Variants in SRBD1 observed in about 807,000 individuals in gnomAD.
SRBD1 encodes the protein S1 RNA-binding domain-containing protein 1.
In SRBD1, 88 loss-of-function variants were observed where a neutral mutation model predicts 115.3. That is an observed-to-expected ratio of 0.76 (90% CI 0.64 to 0.91). The LOEUF (loss-of-function observed/expected upper bound fraction) is 0.91. Among genes scored for constraint, SRBD1 ranks in the 40% least tolerant of loss-of-function variants. The pLI, the probability that SRBD1 is intolerant of heterozygous loss-of-function variation, is 0.00. For synonymous variants in SRBD1, 509 were observed against 407.7 expected, an observed-to-expected ratio of 1.25 and a Z score of -2.99; for missense variants, 1,385 against 1,177.4, an observed-to-expected ratio of 1.18 and a Z score of -2.58.
chr2:45,547,086 T>A (rs1339694228), intron 13 of SRBD1, among the ~76,000 whole-genome samples: 1 of 152,186 alleles, frequency 6.6e-6, no homozygotes, highest in Non-Finnish European at 1.5e-5. Context: ...AAGTCAGCTT[T>A]CTTCCCATCA....
chr2:45,396,767 T>C (rs1055229188), intron 19 of SRBD1, among the ~76,000 whole-genome samples: 32 of 152,302 alleles, frequency 2.1e-4, no homozygotes, highest in African/African-American at 7.2e-4. Flanking sequence ...ACTTCAGACA[T>C]GGCCATTCAG....
chr2:45,445,579 A>G (rs576620703), intron 16 of SRBD1, among the ~76,000 whole-genome samples: 5 of 145,886 alleles, frequency 3.4e-5, no homozygotes, highest in African/African-American at 1.0e-4. Context: ...AAAAAAAAAA[A>G]GTAGAAAAGG....
chr2:45,585,893 G>T, intron 4 of SRBD1, 119 bp from the exon 5 acceptor site: 10 of 729,094 alleles, frequency 1.4e-5, no homozygotes, highest in Non-Finnish European at 1.2e-5. Flanking sequence ...ACTTGCTATA[G>T]TTTTTTAAAA....
chr2:45,413,138 G>A lies in SRBD1; in HGVS notation c.2489C>T (p.Pro830Leu), dbSNP rs1175529234. The A allele has an allele frequency of 1.9e-6, 3 of 1,613,812 alleles. No homozygotes were observed. The highest frequency in any genetic ancestry group is 1.1e-5 in the South Asian group (1 of 91,028). The change falls in exon 19 of 21, where the codon CCA becomes CTA. Residue 830 changes from proline (P) to leucine (L), a missense_variant. By Grantham distance (98) the Pro-to-Leu change is moderately conservative. Transcript: ENST00000263736. Reference sequence around the variant, plus strand: ...CCTCATTGCTATGTCATATGATTCTGGATGAATACAAGTTTGGTCCAAAGG... The same window carrying A: ...CCTCATTGCTATGTCATATGATTCTAGATGAATACAAGTTTGGTCCAAAGG... ...PNPLDQTCIH[P>L]ESYDIAMRFL...
In SRBD1 at chr2:45,579,866, A is replaced by G. The variant is rs896607078; in HGVS notation, c.1072+9T>C. On this transcript the variant is annotated intron_variant, in intron 7 of 20. Transcript: ENST00000263736. Reference sequence around the variant, plus strand: ...AAACAAAGTTGATCTCTGTAAATAAAGCCAGTACCTTTAACGTCAGGCCTA... The same window carrying G: ...AAACAAAGTTGATCTCTGTAAATAAGGCCAGTACCTTTAACGTCAGGCCTA... 2.5e-5 allele frequency: 39 copies of G among 1,554,598 alleles called. No individual in the cohort carries two copies. Among genetic ancestry groups the G allele is most frequent in the Non-Finnish European group, 3.2e-5 (37 of 1,158,356 alleles).
intron 15 of SRBD1, among the ~76,000 whole-genome samples, chr2:45,484,969 C>T (rs1670074029): frequency 6.6e-6 from 1 of 152,158 alleles, no homozygotes; most frequent in African/African-American, 2.4e-5. Flanking sequence ...GGCTATACCA[C>T]ATTTTGTTCA....
intron 1 of SRBD1, among the ~76,000 whole-genome samples, chr2:45,607,302 A>G (rs1674303787): frequency 6.6e-6 from 1 of 152,210 alleles, no homozygotes; most frequent in African/African-American, 2.4e-5. Flanking sequence ...AAAATGGATT[A>G]TTCAATAAAT....
At chr2:45,528,107 T>G (rs928144606) in intron 14 of SRBD1, among the ~76,000 whole-genome samples, 1 of 151,920 alleles carries the variant, frequency 6.6e-6, no homozygotes, top group Non-Finnish European at 1.5e-5. Context: ...CTAATTCTTA[T>G]AATGAATAAA....
intron 14 of SRBD1, among the ~76,000 whole-genome samples, chr2:45,494,766 G>T (rs977927341): frequency 3.9e-5 from 6 of 152,074 alleles, no homozygotes; most frequent in African/African-American, 1.4e-4. Flanking sequence ...TAGCATGTAT[G>T]AAAAAGTACT....
intron 14 of SRBD1, among the ~76,000 whole-genome samples, chr2:45,535,727 C>CA (rs1296853885): frequency 6.6e-6 from 1 of 152,004 alleles, no homozygotes; most frequent in Non-Finnish European, 1.5e-5. Context: ...TTCAGCCCCC[C>CA]AAATCATCCT....
At chr2:45,581,988 T>C (rs933653400) in intron 5 of SRBD1, among the ~76,000 whole-genome samples, 178 bp from the exon 6 acceptor site, 18 of 152,204 alleles carry the variant, frequency 1.2e-4, no homozygotes, top group Non-Finnish European at 1.9e-4. Context: ...TTCCTACAAA[T>C]ACAAATCTTC....
intron 10 of SRBD1, among the ~76,000 whole-genome samples, chr2:45,553,983 G>A (rs1232387002): frequency 6.6e-6 from 1 of 152,028 alleles, no homozygotes; most frequent in Admixed American, 6.5e-5. Flanking sequence ...TTCAGTAAAG[G>A]GTCTCCAAAG....
intron 16 of SRBD1, among the ~76,000 whole-genome samples, chr2:45,420,515 C>T (rs1302365534): frequency 3.9e-5 from 6 of 152,164 alleles, no homozygotes; most frequent in Non-Finnish European, 7.3e-5. Flanking sequence ...TTACTGCTTA[C>T]ATTTTTTATT....
At chr2:45,526,695 A>G (rs936598249) in intron 14 of SRBD1, among the ~76,000 whole-genome samples, 1 of 151,978 alleles carries the variant, frequency 6.6e-6, no homozygotes, top group Non-Finnish European at 1.5e-5. Context: ...CCAAATGTCA[A>G]TCAACTCAAA....
chr2:45,569,555 T>C (rs1211701027), intron 9 of SRBD1: 1 of 152,212 alleles, frequency 6.6e-6, no homozygotes, highest in Admixed American at 6.5e-5. Context: ...TAGTTTTTTT[T>C]CTATTATTCT....
chr2:45,488,480 T>C (rs1327382129), intron 14 of SRBD1, 149 bp from the exon 15 acceptor site: 2 of 585,180 alleles, frequency 3.4e-6, no homozygotes, highest in East Asian at 2.9e-5. Flanking sequence ...CAGCATCTAA[T>C]ATTTCATTAA....
chr2:45,498,355 T>A (rs529017685), intron 14 of SRBD1, among the ~76,000 whole-genome samples: 4 of 152,288 alleles, frequency 2.6e-5, no homozygotes, highest in African/African-American at 9.6e-5. Flanking sequence ...ATCTTGTCAT[T>A]CTCTTAATGG....
At chr2:45,483,817 A>G (rs971114901) in intron 15 of SRBD1, among the ~76,000 whole-genome samples, 21 of 152,272 alleles carry the variant, frequency 1.4e-4, no homozygotes, top group African/African-American at 5.1e-4. Context: ...ATGTAGTTTT[A>G]GAAGTCGATG....
intron 16 of SRBD1, among the ~76,000 whole-genome samples, chr2:45,437,153 A>T (rs1338793605): frequency 6.6e-6 from 1 of 152,124 alleles, no homozygotes; most frequent in African/African-American, 2.4e-5. Context: ...GGGTAGGATG[A>T]CTCAATACTG....
Sources: gnomAD v4.1 joint callset for allele counts (sites outside exome capture counted in the v4.1 genomes callset) on GRCh38, gnomAD v4.1.1 for gene constraint, MANE v1.5 for transcripts, NCBI Gene and HGNC (gene_info 2026-07-23, HGNC 2026-07-21) for gene names.